The following CNTN6 variants were observed in gnomAD, a reference collection of about 807,000 sequenced individuals.
CNTN6 encodes the protein contactin-6.
CNTN6 carries 137 observed loss-of-function variants against 122.8 expected under a neutral mutation model. The observed-to-expected ratio is 1.12, with a 90% CI of 0.97 to 1.29. The LOEUF (loss-of-function observed/expected upper bound fraction) is 1.29, where lower values mean the gene tolerates loss of function less well. Among genes scored for constraint, CNTN6 ranks in the 50% most tolerant of loss-of-function variants. The pLI is 0.00. For missense variants in CNTN6, 1,634 were observed against 1,223.4 expected, an observed-to-expected ratio of 1.34 and a Z score of -5.01; for synonymous variants, 570 against 426.0, an observed-to-expected ratio of 1.34 and a Z score of -4.16.
chr3:1,230,160 T>C (rs1043006774), intron 4 of CNTN6, among the ~76,000 whole-genome samples: 1 of 152,198 alleles, frequency 6.6e-6, no homozygotes, highest in African/African-American at 2.4e-5. Context: ...TCAATTGTGA[T>C]AGAAAAGGCC....
intron 12 of CNTN6, among the ~76,000 whole-genome samples, chr3:1,362,038 G>A (rs1406055153): frequency 6.6e-6 from 1 of 152,118 alleles, no homozygotes; most frequent in East Asian, 1.9e-4. Flanking sequence ...AGTCTGCTAA[G>A]CAGCTCAACC....
At chr3:1,388,379 C>A (rs962209959) in intron 20 of CNTN6, among the ~76,000 whole-genome samples, 5 of 149,738 alleles carry the variant, frequency 3.3e-5, no homozygotes, top group African/African-American at 4.9e-5. Context: ...AACTAACAAA[C>A]AGAAAGGACA....
chr3:1,126,018 C>A (rs1165708776), intron 1 of CNTN6, among the ~76,000 whole-genome samples: 1 of 151,748 alleles, frequency 6.6e-6, no homozygotes, highest in Non-Finnish European at 1.5e-5. Context: ...TTAACTATAC[C>A]CCAAAACACG....
chr3:1,402,236 T>C (rs183696049), intron 21 of CNTN6, 82 bp from the exon 22 acceptor site: 2 of 1,036,892 alleles, frequency 1.9e-6, no homozygotes, highest in African/African-American at 3.2e-5. Flanking sequence ...ATGTATCTTA[T>C]GTCTTACAGT....
chr3:1,121,426 G>A lies in CNTN6; in HGVS notation c.-82-26501G>A, dbSNP rs1294265150. ...CATGTTGCAAGATGGATATTGAGTAGTTTGCCATATTAATTTTGATTTGTA... is the reference window on the plus strand; with the variant it reads ...CATGTTGCAAGATGGATATTGAGTAATTTGCCATATTAATTTTGATTTGTA... On this transcript the variant is annotated intron_variant, in intron 1 of 22. Transcript: ENST00000446702. Among the ~76,000 whole-genome samples the A allele has an allele frequency of 4.6e-5, 7 of 151,826 alleles. No homozygotes were observed. In the East Asian group the frequency reaches 1.4e-3, roughly 29 times the overall value.
intron 1 of CNTN6, among the ~76,000 whole-genome samples, chr3:1,133,011 A>G (rs1410116192): frequency 1.3e-5 from 2 of 152,154 alleles, no homozygotes; most frequent in East Asian, 3.9e-4. Context: ...TCACCCACTC[A>G]TTCATTGAAT....
At chr3:1,385,465 A>G (rs1576003546) in intron 19 of CNTN6, 146 bp from the exon 20 acceptor site, 1 of 560,194 alleles carries the variant, frequency 1.8e-6, no homozygotes, top group East Asian at 3.1e-5. Context: ...TTGTTGTATA[A>G]CCATTTTAAT....
intron 1 of CNTN6, among the ~76,000 whole-genome samples, chr3:1,116,175 G>A (rs1424754467): frequency 6.6e-6 from 1 of 152,102 alleles, no homozygotes; most frequent in Non-Finnish European, 1.5e-5. Context: ...GTGTAAAACA[G>A]GAGAGTCAAC....
chr3:1,206,680 C>T (rs2093962153), intron 2 of CNTN6, among the ~76,000 whole-genome samples: 1 of 152,144 alleles, frequency 6.6e-6, no homozygotes, highest in African/African-American at 2.4e-5. Context: ...GTCTTCAATT[C>T]CTCTCTTTAC....
intron 1 of CNTN6, among the ~76,000 whole-genome samples, chr3:1,097,028 A>C (rs2090563756): frequency 6.6e-6 from 1 of 152,214 alleles, no homozygotes; most frequent in Admixed American, 6.5e-5. Context: ...TTTGAATGAA[A>C]ATTTTATTAG....
Position 1,401,557 on chromosome 3 carries a change from G to C in CNTN6, c.2817+12G>C. On this transcript the variant is annotated intron_variant, in intron 21 of 22. Transcript: ENST00000446702. ...TTTTGGGGTACAAGGTGAGTTTTTA[G>C]TTTTTCCTTTAATCATATCAATTAA... 1 of 1,576,756 alleles carries C rather than the reference G, an allele frequency of 6.3e-7. No individual in the cohort carries two copies. The highest frequency in any genetic ancestry group is 1.1e-5 in the South Asian group (1 of 88,438).
chr3:1,162,857 C>T (rs2093166624), intron 2 of CNTN6, among the ~76,000 whole-genome samples: 1 of 152,158 alleles, frequency 6.6e-6, no homozygotes, highest in African/African-American at 2.4e-5. Context: ...CATTCTGACC[C>T]TTTGTATCCT....
At chr3:1,269,223 A>G (rs1410074945) in intron 4 of CNTN6, among the ~76,000 whole-genome samples, 1 of 152,170 alleles carries the variant, frequency 6.6e-6, no homozygotes. Context: ...AATCTGCCCT[A>G]AATCAATAGC....
intron 20 of CNTN6, among the ~76,000 whole-genome samples, chr3:1,394,905 G>C (rs1694799929): frequency 6.6e-6 from 1 of 152,140 alleles, no homozygotes; most frequent in Non-Finnish European, 1.5e-5. Context: ...TTTCACCCAA[G>C]ACACAACGTT....
chr3:1,167,993 G>A (rs1199696409), intron 2 of CNTN6, among the ~76,000 whole-genome samples: 1 of 152,036 alleles, frequency 6.6e-6, no homozygotes, highest in Non-Finnish European at 1.5e-5. Context: ...TGCAACCTCC[G>A]CCTCCTGGGT....
intron 15 of CNTN6, 49 bp downstream of exon 15, chr3:1,373,811 CAAT>C (rs755230862): frequency 3.3e-6 from 5 of 1,506,852 alleles, no homozygotes; most frequent in Non-Finnish European, 4.4e-6. Flanking sequence ...TATTTTAGTC[CAAT>C]AATTTTAATA....
At chr3:1,213,997 A>C (rs1387189110) in intron 2 of CNTN6, among the ~76,000 whole-genome samples, 1 of 151,862 alleles carries the variant, frequency 6.6e-6, no homozygotes, top group Non-Finnish European at 1.5e-5. Context: ...AGCTAATTAT[A>C]TTCCCTCATT....
chr3:1,241,514 G>A (rs1056511913), intron 4 of CNTN6, among the ~76,000 whole-genome samples: 69 of 152,136 alleles, frequency 4.5e-4, no homozygotes, highest in African/African-American at 1.7e-3. Context: ...GAATTGAGAA[G>A]CTAAACGGAA....
At chr3:1,300,502 A>G (rs1207784968) in intron 7 of CNTN6, among the ~76,000 whole-genome samples, 78 of 138,784 alleles carry the variant, frequency 5.6e-4, no homozygotes, top group African/African-American at 2.4e-3. Context: ...GAAAAAGAAA[A>G]GAAAGAGAAA....
Sources: gnomAD v4.1 joint callset for allele counts (sites outside exome capture counted in the v4.1 genomes callset) on GRCh38, gnomAD v4.1.1 for gene constraint, MANE v1.5 for transcripts, NCBI Gene and HGNC (gene_info 2026-07-23, HGNC 2026-07-21) for gene names.